CSMD3: variants seen among roughly 807,000 people sequenced by gnomAD.
The protein encoded by CSMD3 is CUB and sushi domain-containing protein 3.
Under a neutral mutation model 435.2 loss-of-function variants are expected in CSMD3, and 177 were observed. The observed-to-expected ratio is 0.41, with a 90% confidence interval of 0.36 to 0.46. CSMD3 has a LOEUF of 0.46. Ranked by LOEUF, CSMD3 falls within the 20% of genes least tolerant of loss-of-function variation. CSMD3 has a pLI of 0.34. For missense variants in CSMD3, 4,265 were observed against 4,504.6 expected (o/e 0.95, Z 1.52); for synonymous variants, 1,656 against 1,520.5 (o/e 1.09, Z -2.07).
intron 13 of CSMD3, among the ~76,000 whole-genome samples, chr8:112,780,698 C>T (rs1490811001): frequency 1.3e-5 from 2 of 152,016 alleles, no homozygotes; most frequent in East Asian, 3.9e-4. Context: ...CATAGGAACT[C>T]AGTGTTGCCC....
At chr8:112,522,349 G>A (rs576463809) in intron 27 of CSMD3, among the ~76,000 whole-genome samples, 1 of 151,982 alleles carries the variant, frequency 6.6e-6, no homozygotes, top group African/African-American at 2.4e-5. Flanking sequence ...GTAAAAGAAT[G>A]TATGCTTATC....
chr8:113,229,604 A>G (rs1184938764), intron 3 of CSMD3, among the ~76,000 whole-genome samples: 2 of 151,704 alleles, frequency 1.3e-5, no homozygotes, highest in East Asian at 3.9e-4. Flanking sequence ...CTCACAGTTT[A>G]TAAAATCGTG....
At chr8:112,352,574 G>C in intron 38 of CSMD3, 40 bp from the exon 39 acceptor site, 1 of 1,539,122 alleles carries the variant, frequency 6.5e-7, no homozygotes, top group Non-Finnish European at 9.0e-7. Context: ...TAACTTTCAA[G>C]TGATAAATGC....
intron 3 of CSMD3, among the ~76,000 whole-genome samples, chr8:113,209,123 T>C (rs970907630): frequency 2.0e-5 from 3 of 152,128 alleles, no homozygotes; most frequent in Non-Finnish European, 2.9e-5. Context: ...AGTTTAGTAA[T>C]ATTTCAAAGG....
chr8:113,196,225 G>GA (rs1441721703), intron 3 of CSMD3, among the ~76,000 whole-genome samples: 9 of 150,432 alleles, frequency 6.0e-5, no homozygotes, highest in African/African-American at 1.7e-4. Flanking sequence ...ACAAGAAAAA[G>GA]AAAAAAAGTC....
chr8:112,244,532 C>T lies in CSMD3; in HGVS notation c.10264G>A (p.Val3422Ile). 6.2e-7 allele frequency: 1 copy of T among 1,613,842 alleles called. No homozygotes were observed. The highest frequency in any genetic ancestry group is 1.3e-5 in the African/African-American group (1 of 75,004). The part of the protein sequence containing the change: ...KQPETPAHAN[V>I]VGMDLPSHGY... ...TGAGATGGAAGGTCCATCCCTACGA[C>T]ATTTGCATGAGCAGGAGTTTCTGGC... Residue 3422 changes from valine to isoleucine, a missense_variant, in exon 65 of 71, where the codon GTC becomes ATC. Around this residue, in one of 3 missense-constraint regions of CSMD3, gnomAD observed 3,255 missense variants for 3,380.2 expected, o/e 0.96. Coordinates refer to ENST00000297405, the MANE Select transcript of CSMD3 (RefSeq NM_198123.2).
At chr8:112,256,518 T>C (rs899620926) in intron 61 of CSMD3, among the ~76,000 whole-genome samples, 3 of 152,190 alleles carry the variant, frequency 2.0e-5, no homozygotes, top group African/African-American at 7.2e-5. Context: ...GGGGCATGGC[T>C]AGCTTTCTAG....
chr8:113,323,407 G>A (rs1291526090), intron 1 of CSMD3, among the ~76,000 whole-genome samples: 1 of 152,020 alleles, frequency 6.6e-6, no homozygotes, highest in South Asian at 2.1e-4. Context: ...TTACCTACTG[G>A]ATTATCCAAT....
intron 3 of CSMD3, among the ~76,000 whole-genome samples, chr8:113,238,074 C>CAAAAA (rs34316809): frequency 1.3e-5 from 1 of 77,582 alleles, no homozygotes; most frequent in Admixed American, 1.6e-4. Flanking sequence ...GACTCCATCT[C>CAAAAA]AAAAAAAAAA....
intron 13 of CSMD3, among the ~76,000 whole-genome samples, chr8:112,768,645 T>C (rs1229239097): frequency 6.6e-6 from 1 of 151,916 alleles, no homozygotes; most frequent in Non-Finnish European, 1.5e-5. Flanking sequence ...AGAACAGTAC[T>C]TTGAGTAGTA....
intron 12 of CSMD3, among the ~76,000 whole-genome samples, chr8:112,808,821 C>A (rs1223184967): frequency 1.3e-5 from 2 of 152,050 alleles, no homozygotes; most frequent in Non-Finnish European, 2.9e-5. Flanking sequence ...TGAGCGCTAG[C>A]CGTCTCTCGG....
chr8:113,224,863 T>C (rs2093009022), intron 3 of CSMD3, among the ~76,000 whole-genome samples: 1 of 151,196 alleles, frequency 6.6e-6, no homozygotes, highest in African/African-American at 2.4e-5. Context: ...CTAAGAGGTA[T>C]GAAATGCATT....
intron 18 of CSMD3, among the ~76,000 whole-genome samples, chr8:112,651,730 GT>G (rs1248744267): frequency 6.6e-6 from 1 of 151,942 alleles, no homozygotes; most frequent in East Asian, 1.9e-4. Flanking sequence ...GTAGAGACGG[GT>G]TTTACCATGC....
At chr8:112,876,272 C>G (rs2081279211) in intron 10 of CSMD3, among the ~76,000 whole-genome samples, 2 of 152,138 alleles carry the variant, frequency 1.3e-5, no homozygotes, top group African/African-American at 4.8e-5. Flanking sequence ...TGGTACCATT[C>G]TTTCTAAAAC....
At chr8:112,299,950 T>C (rs1299645031) in intron 53 of CSMD3, among the ~76,000 whole-genome samples, 1 of 151,400 alleles carries the variant, frequency 6.6e-6, no homozygotes. Flanking sequence ...TCTAAGTAGG[T>C]GAATAAAACC....
At chr8:112,654,278 A>C (rs1237797360) in intron 18 of CSMD3, among the ~76,000 whole-genome samples, 1 of 152,228 alleles carries the variant, frequency 6.6e-6, no homozygotes, top group African/African-American at 2.4e-5. Context: ...CTTGGGAAAC[A>C]GTAAGAAAGA....
chr8:112,876,101 G>A (rs560958067), intron 10 of CSMD3, among the ~76,000 whole-genome samples: 2 of 151,746 alleles, frequency 1.3e-5, no homozygotes, highest in Middle Eastern at 3.4e-3. Flanking sequence ...GGGTTCCTGG[G>A]CACATACACC....
intron 2 of CSMD3, among the ~76,000 whole-genome samples, chr8:113,304,382 G>A (rs201867807): frequency 2.1e-5 from 2 of 93,470 alleles, no homozygotes; most frequent in East Asian, 3.6e-4. Flanking sequence ...TAGAACTAGA[G>A]ATACCATTTG....
chr8:112,969,787 GA>G (rs1441547704), intron 7 of CSMD3, among the ~76,000 whole-genome samples: 2 of 151,856 alleles, frequency 1.3e-5, no homozygotes, highest in Admixed American at 1.3e-4. Context: ...TCCACATATT[GA>G]AAAAATTTCT....
Sources: allele counts gnomAD v4.1 joint callset (sites outside exome capture counted in the v4.1 genomes callset), GRCh38; gene constraint gnomAD v4.1.1; regional missense constraint gnomAD v4.1.1; transcripts MANE v1.5; gene names NCBI Gene and HGNC (gene_info 2026-07-23, HGNC 2026-07-21).